The following PARD3B variants were observed in gnomAD, a reference collection of about 807,000 sequenced individuals.
The protein encoded by PARD3B is par-3 family cell polarity regulator beta, also known as partitioning defective 3 homolog B.
In PARD3B, 103 loss-of-function variants were observed where a neutral mutation model predicts 130.2. The ratio of observed to expected loss-of-function variants is 0.79; its 90% confidence interval spans 0.67 to 0.93. The LOEUF is 0.93. Among genes scored for constraint, PARD3B ranks in the 40% least tolerant of loss-of-function variants. The probability of loss-of-function intolerance (pLI) is 0.00; values close to 1 mark genes in which losing one functional copy is unlikely to be tolerated. For synonymous variants in PARD3B, 583 were observed against 553.2 expected (o/e 1.05, Z -0.76); for missense variants, 1,609 against 1,499.2 (o/e 1.07, Z -1.21).
chr2:205,469,045 C>T (rs1330040805), intron 20 of PARD3B, among the ~76,000 whole-genome samples: 1 of 151,664 alleles, frequency 6.6e-6, no homozygotes, highest in Non-Finnish European at 1.5e-5. Context: ...GTGATCCTCT[C>T]TGAGCTTTCT....
In PARD3B at chr2:205,253,344, C is replaced by T; in HGVS notation, c.2185+7522C>T. On this transcript the variant is annotated intron_variant, in intron 16 of 22. Coordinates refer to ENST00000406610, the MANE Select transcript of PARD3B (RefSeq NM_001302769.2). This position sits in a 1 kb window ranked among gnomAD's most constrained non-coding sequence, Gnocchi z 4.4. Reference sequence around the variant, plus strand: ...AAAGGAGGCCATGGAACCGATGGAACTGATGGAGGAAATGCTGGGACTGTG... The same window carrying T: ...AAAGGAGGCCATGGAACCGATGGAATTGATGGAGGAAATGCTGGGACTGTG... 1 of 551,502 alleles carries T rather than the reference C, an allele frequency of 1.8e-6. No homozygotes were observed. The allele number at this position is 551,502 out of a possible 1,614,324, so 34.2% of individuals were successfully genotyped here.
At position 205,473,842 on chromosome 2, in the gene PARD3B, C is replaced by G. The variant is rs547790556; in HGVS notation, c.3045-26054C>G. On this transcript the variant is annotated intron_variant, in intron 20 of 22. Coordinates refer to ENST00000406610, the MANE Select transcript of PARD3B (RefSeq NM_001302769.2). The surrounding 1 kb of genome is among the most constrained non-coding windows in gnomAD (Gnocchi z 4.9). ...AGGGGAGATATTCTTTTCTTTGTTA[C>G]GTTTAAATGAACTTCACCCTGAGCT... Among the ~76,000 whole-genome samples the G allele has an allele frequency of 2.7e-5, 4 of 150,600 alleles. No individual in the cohort carries two copies. The highest frequency in any genetic ancestry group is 9.7e-5 in the African/African-American group (4 of 41,206).
intron 3 of PARD3B, among the ~76,000 whole-genome samples, chr2:205,026,432 A>G (rs1470425201): frequency 6.6e-6 from 1 of 152,200 alleles, no homozygotes; most frequent in African/African-American, 2.4e-5. Flanking sequence ...TTATACATGT[A>G]CAGGGTGATG....
intron 2 of PARD3B, among the ~76,000 whole-genome samples, chr2:204,871,307 C>T (rs180802041): frequency 1.1e-4 from 17 of 152,032 alleles, no homozygotes; most frequent in African/African-American, 2.2e-4. Flanking sequence ...TTATTATAGA[C>T]TATAAACAAC....
intron 2 of PARD3B, among the ~76,000 whole-genome samples, chr2:204,942,560 T>A (rs761597709): frequency 6.6e-6 from 1 of 152,084 alleles, no homozygotes; most frequent in African/African-American, 2.4e-5. Flanking sequence ...AAAACCTCTT[T>A]CCACAAATTT....
At chr2:204,779,915 T>C (rs372169420) in intron 2 of PARD3B, among the ~76,000 whole-genome samples, 2 of 152,172 alleles carry the variant, frequency 1.3e-5, no homozygotes, top group East Asian at 1.9e-4. Context: ...CTCTATTTCA[T>C]TGAGTGGTAG....
chr2:205,618,540 C>T lies in PARD3B; in HGVS notation c.*2727C>T, dbSNP rs1456859768. The T allele has an allele frequency of 3.9e-5, 6 of 152,266 alleles. No individual in the cohort carries two copies. The East Asian group carries it at 1.2e-3, about 29-fold the overall frequency. The allele number at this position is 152,266 out of a possible 1,614,324, so 9.4% of individuals were successfully genotyped here. On this transcript the variant is annotated 3_prime_UTR_variant, in exon 23 of 23. Transcript: ENST00000406610. The stretch of plus-strand genomic sequence containing the variant: ...CCTTGTAGCTCAGAACACTAATAGC[C>T]CCCCTGGAAGAGAGTGGCACATTGA...
intron 1 of PARD3B, among the ~76,000 whole-genome samples, chr2:204,658,488 T>C (rs534579689): frequency 6.6e-6 from 1 of 152,316 alleles, no homozygotes; most frequent in Non-Finnish European, 1.5e-5. Context: ...ATTGTCTTCA[T>C]TGTTTGCAGC....
chr2:204,572,930 C>G (rs1559163157), intron 1 of PARD3B, among the ~76,000 whole-genome samples: 1 of 152,336 alleles, frequency 6.6e-6, no homozygotes, highest in East Asian at 1.9e-4. Context: ...AATGACCACT[C>G]TCTTCTTGGG....
chr2:205,375,964 C>A (rs1394803875), intron 18 of PARD3B, among the ~76,000 whole-genome samples: 2 of 152,100 alleles, frequency 1.3e-5, no homozygotes, highest in African/African-American at 4.8e-5. Flanking sequence ...AACAAATTGA[C>A]AAGAATAGGA....
At chr2:204,560,628 T>C (rs2125054809) in intron 1 of PARD3B, among the ~76,000 whole-genome samples, 1 of 152,104 alleles carries the variant, frequency 6.6e-6, no homozygotes, top group East Asian at 1.9e-4. Context: ...ATGTATGTTT[T>C]GTTTGAAGGA....
intron 3 of PARD3B, among the ~76,000 whole-genome samples, chr2:204,975,781 G>A (rs933666827): frequency 1.3e-5 from 2 of 152,180 alleles, no homozygotes; most frequent in African/African-American, 4.8e-5. Context: ...TCAAAATAGT[G>A]TAAACATAAT....
chr2:205,326,334 A>G (rs1227258919), intron 18 of PARD3B, among the ~76,000 whole-genome samples: 3 of 152,178 alleles, frequency 2.0e-5, no homozygotes, highest in Non-Finnish European at 2.9e-5. Context: ...ATCTAAAGTA[A>G]ACAAAAATCT....
At chr2:204,629,185 G>C (rs548026834) in intron 1 of PARD3B, among the ~76,000 whole-genome samples, 4 of 152,106 alleles carry the variant, frequency 2.6e-5, no homozygotes, top group Non-Finnish European at 4.4e-5. Flanking sequence ...AAGAAGAAAA[G>C]AATACAATGA....
chr2:205,504,083 A>C (rs1227507951), intron 21 of PARD3B, among the ~76,000 whole-genome samples: 1 of 152,186 alleles, frequency 6.6e-6, no homozygotes, highest in Non-Finnish European at 1.5e-5. Context: ...GGCTGAAACG[A>C]TGCCACATAT....
chr2:204,943,548 G>A lies in PARD3B; in HGVS notation c.223-21604G>A, dbSNP rs369382495. ...GGTTTGAGGATCCTGCAAATTGCTC[G>A]TAATGGAGGTAAATGGCTTGTGCCA... is the stretch of plus-strand genomic sequence containing the variant. On this transcript the variant is annotated intron_variant, in intron 2 of 22. Coordinates refer to ENST00000406610, the MANE Select transcript of PARD3B (RefSeq NM_001302769.2). This position sits in a 1 kb window ranked among gnomAD's most constrained non-coding sequence, Gnocchi z 4.2. Among the ~76,000 whole-genome samples the A allele has an allele frequency of 1.3e-4, 20 of 152,166 alleles. 1 individual carries two copies. The highest frequency in any genetic ancestry group is 4.3e-4 in the African/African-American group (18 of 41,438).
At position 204,867,437 on chromosome 2, in the gene PARD3B, C is replaced by G. The variant is rs113996451; in HGVS notation, c.223-97715C>G. 5.8e-3 allele frequency among the ~76,000 whole-genome samples: 887 copies of G among 152,260 alleles called. 3 individuals are homozygous for G. Among genetic ancestry groups the G allele is most frequent in the Non-Finnish European group, 9.2e-3 (627 of 68,024 alleles). On this transcript the variant is annotated intron_variant, in intron 2 of 22. Coordinates refer to ENST00000406610, the MANE Select transcript of PARD3B (RefSeq NM_001302769.2). ...ATATCTGGGTTGGAATGAATTTCCT[C>G]TCAGGGAAATGGGTGAAAATAACTT...
chr2:204,775,831 A>G (rs2041595396), intron 2 of PARD3B, among the ~76,000 whole-genome samples: 1 of 152,272 alleles, frequency 6.6e-6, no homozygotes, highest in South Asian at 2.1e-4. Flanking sequence ...GGAATCAAAT[A>G]AACACCATGG....
intron 2 of PARD3B, among the ~76,000 whole-genome samples, chr2:204,885,257 T>A (rs937940215): frequency 2.6e-5 from 4 of 152,256 alleles, no homozygotes; most frequent in African/African-American, 4.8e-5. Context: ...CATCTATTTG[T>A]TGGCCTCATG....
Sources: allele counts gnomAD v4.1 joint callset (sites outside exome capture counted in the v4.1 genomes callset), GRCh38; gene constraint gnomAD v4.1.1; non-coding constraint Gnocchi (gnomAD v3.1); transcripts MANE v1.5; gene names NCBI Gene and HGNC (gene_info 2026-07-23, HGNC 2026-07-21).